The following TNRC6A variants were observed in gnomAD, a reference collection of about 807,000 sequenced individuals.
The protein encoded by TNRC6A is trinucleotide repeat containing adaptor 6A, also known as trinucleotide repeat-containing gene 6A protein.
In TNRC6A, 44 loss-of-function variants were observed where a neutral mutation model predicts 221.2. The ratio of observed to expected loss-of-function variants is 0.20; its 90% CI spans 0.16 to 0.26. The LOEUF (loss-of-function observed/expected upper bound fraction) is 0.26, where lower values mean the gene tolerates loss of function less well. TNRC6A is among the 10% of genes least tolerant of loss of function. The pLI, the probability that TNRC6A is intolerant of heterozygous loss-of-function variation, is 1.00. For synonymous variants in TNRC6A, 847 were observed against 838.5 expected (o/e 1.01, Z -0.18); for missense variants, 2,199 against 2,404.4 (o/e 0.91, Z 1.79).
chr16:24,770,315 A>G (rs1347304016), intron 4 of TNRC6A, among the ~76,000 whole-genome samples: 1 of 152,154 alleles, frequency 6.6e-6, no homozygotes, highest in Non-Finnish European at 1.5e-5. Context: ...AGGAGTTCCA[A>G]AAGTGGTTTT....
intron 2 of TNRC6A, among the ~76,000 whole-genome samples, chr16:24,715,605 CTTTTTT>C (rs58843836): frequency 7.9e-6 from 1 of 127,220 alleles, no homozygotes; most frequent in Non-Finnish European, 1.7e-5. Flanking sequence ...TGAGTAGTTT[CTTTTTT>C]TTTTTTTTTT....
chr16:24,746,857 A>AG (rs2057021768), intron 2 of TNRC6A, among the ~76,000 whole-genome samples: 1 of 152,190 alleles, frequency 6.6e-6, no homozygotes, highest in African/African-American at 2.4e-5. Context: ...TCTACCTCCA[A>AG]GGTGTACCCT....
chr16:24,785,844 G>A (rs1047724066), intron 5 of TNRC6A, among the ~76,000 whole-genome samples: 12 of 152,214 alleles, frequency 7.9e-5, no homozygotes, highest in African/African-American at 2.7e-4. Context: ...TACGTTTGTA[G>A]TAGTCCAGGA....
chr16:24,713,453 A>C (rs540447621), intron 2 of TNRC6A, among the ~76,000 whole-genome samples: 1,264 of 87,700 alleles, frequency 0.014, 10 homozygotes, highest in East Asian at 0.022. Flanking sequence ...AACAAACAAA[A>C]AAATATATAT....
At chr16:24,786,871 CAG>C (rs1251587814) in intron 5 of TNRC6A, among the ~76,000 whole-genome samples, 1 of 152,038 alleles carries the variant, frequency 6.6e-6, no homozygotes, top group Non-Finnish European at 1.5e-5. Context: ...TTAGTAGAGA[CAG>C]GGTTTCACCA....
intron 8 of TNRC6A, 127 bp downstream of exon 8, chr16:24,794,846 T>A: frequency 1.3e-6 from 1 of 754,924 alleles, no homozygotes; most frequent in Non-Finnish European, 2.0e-6. Context: ...ACCTTAGGTA[T>A]AGCCACTTGT....
chr16:24,687,196 G>C lies in TNRC6A; in HGVS notation n.402+46187G>C, dbSNP rs146451937. Reference sequence around the variant, plus strand: ...TTAGGGGATGGGCCCTACCAGAGGAGGCAGCATCTAGATAATTAGCTACTT... The same window carrying C: ...TTAGGGGATGGGCCCTACCAGAGGACGCAGCATCTAGATAATTAGCTACTT... On this transcript the variant is annotated intron_variant and non_coding_transcript_variant, in intron 2 of 2. Coordinates refer to the TNRC6A transcript ENST00000566108. 2.0e-3 allele frequency among the ~76,000 whole-genome samples: 307 copies of C among 152,220 alleles called. 2 individuals are homozygous for C. The highest frequency in any genetic ancestry group is 7.1e-3 in the African/African-American group (293 of 41,524).
At chr16:24,736,699 C>T (rs771005641) in intron 2 of TNRC6A, among the ~76,000 whole-genome samples, 9 of 152,168 alleles carry the variant, frequency 5.9e-5, no homozygotes, top group Non-Finnish European at 1.0e-4. Flanking sequence ...AGTATTCCCT[C>T]CCCACAGCAT....
At position 24,639,209 on chromosome 16, in the gene TNRC6A, G is replaced by A. The variant is rs544267304; in HGVS notation, n.277-1675G>A. Among the ~76,000 whole-genome samples, 29 of 152,312 alleles carry A rather than the reference G, an allele frequency of 1.9e-4. No individual in the cohort carries two copies. In the South Asian group the frequency reaches 2.7e-3, roughly 14 times the overall value. ...CATAGAAGATGAGAAAGACGGCTGC[G>A]TGTGGTAGCTCATGCCTGTGATTCC... On this transcript the variant is annotated intron_variant and non_coding_transcript_variant, in intron 1 of 2. Transcript: ENST00000566108.
intron 5 of TNRC6A, among the ~76,000 whole-genome samples, chr16:24,779,005 A>G (rs1200039341): frequency 1.3e-5 from 2 of 152,212 alleles, no homozygotes; most frequent in Non-Finnish European, 1.5e-5. Flanking sequence ...AATATGTCAA[A>G]TATGCCTTTT....
intron 2 of TNRC6A, among the ~76,000 whole-genome samples, chr16:24,706,369 C>A (rs2056092878): frequency 6.6e-6 from 1 of 152,040 alleles, no homozygotes; most frequent in Non-Finnish European, 1.5e-5. Flanking sequence ...AAAGAATTAA[C>A]CCTCCTAGGT....
chr16:24,701,634 C>T (rs981319506), intron 2 of TNRC6A, among the ~76,000 whole-genome samples: 8 of 152,142 alleles, frequency 5.3e-5, no homozygotes, highest in East Asian at 3.9e-4. Context: ...CCAAAGTGCT[C>T]GGATTACAGG....
chr16:24,791,244 G>C lies in TNRC6A; in HGVS notation c.2602G>C (p.Glu868Gln), dbSNP rs781293913. Residue 868 changes from glutamate (E) to glutamine (Q), a missense_variant, in exon 6 of 25, where the codon GAG becomes CAG. Transcript: ENST00000395799. The stretch of plus-strand genomic sequence containing the variant: ...AACTTCAAGGAATAACCATTGGGGT[G>C]AGGCCAATAAGAAATCCAGCTCAGG... Reference protein sequence around the residue: ...GETSRNNHWGEANKKSSSGGS... With the variant: ...GETSRNNHWGQANKKSSSGGS... The C allele has an allele frequency of 6.2e-7, 1 of 1,614,208 alleles. No individual in the cohort carries two copies. Among genetic ancestry groups the C allele is most frequent in the Non-Finnish European group, 8.5e-7 (1 of 1,180,024 alleles).
At chr16:24,705,077 G>C (rs1038650502) in intron 2 of TNRC6A, among the ~76,000 whole-genome samples, 4 of 152,086 alleles carry the variant, frequency 2.6e-5, no homozygotes, top group African/African-American at 9.7e-5. Context: ...TACCTATATG[G>C]TATTTACTAT....
At chr16:24,669,350 G>A (rs978764685) in intron 2 of TNRC6A, among the ~76,000 whole-genome samples, 1 of 152,104 alleles carries the variant, frequency 6.6e-6, no homozygotes, top group African/African-American at 2.4e-5. Flanking sequence ...TTAGCTGAGT[G>A]TGGCAGCGTG....
chr16:24,632,698 G>C (rs1055456840), intron 1 of TNRC6A, among the ~76,000 whole-genome samples: 1 of 151,946 alleles, frequency 6.6e-6, no homozygotes, highest in Non-Finnish European at 1.5e-5. Flanking sequence ...CTACCAATGA[G>C]TTGTCTTCAC....
intron 1 of TNRC6A, among the ~76,000 whole-genome samples, chr16:24,624,523 G>T (rs60562273): frequency 6.6e-6 from 1 of 152,158 alleles, no homozygotes; most frequent in Non-Finnish European, 1.5e-5. Flanking sequence ...CTGTTGCCCA[G>T]GCTGGAATGC....
intron 11 of TNRC6A, among the ~76,000 whole-genome samples, chr16:24,801,326 C>T (rs190120279): frequency 3.9e-5 from 6 of 152,098 alleles, no homozygotes; most frequent in African/African-American, 1.2e-4. Flanking sequence ...ATTTTTCAGA[C>T]GCCAAGTGAG....
chr16:24,818,243 C>T (rs909532296), intron 20 of TNRC6A, among the ~76,000 whole-genome samples: 2 of 151,954 alleles, frequency 1.3e-5, no homozygotes, highest in African/African-American at 2.4e-5. Context: ...AGCTCAGGGG[C>T]GAGTTAGCAC....
Sources: gnomAD v4.1 joint callset for allele counts (sites outside exome capture counted in the v4.1 genomes callset) on GRCh38, gnomAD v4.1.1 for gene constraint, MANE v1.5 for transcripts, NCBI Gene and HGNC (gene_info 2026-07-23, HGNC 2026-07-21) for gene names.